The following GRID1 variants were observed in gnomAD, a reference collection of about 807,000 sequenced individuals.
The protein encoded by GRID1 is glutamate ionotropic receptor delta type subunit 1.
In GRID1, 28 loss-of-function variants were observed where a neutral mutation model predicts 98.0. The observed-to-expected ratio is 0.29, with a 90% CI of 0.21 to 0.39. GRID1 has a LOEUF of 0.39. Ranked by LOEUF, GRID1 falls within the 10% of genes least tolerant of loss-of-function variation. The pLI, the probability that GRID1 is intolerant of heterozygous loss-of-function variation, is 1.00. For synonymous variants in GRID1, 553 were observed against 538.5 expected (o/e 1.03, Z -0.37); for missense variants, 1,111 against 1,340.5 (o/e 0.83, Z 2.67).
At chr10:86,256,743 G>C (rs1846925725) in intron 2 of GRID1, among the ~76,000 whole-genome samples, 2 of 152,196 alleles carry the variant, frequency 1.3e-5, no homozygotes, top group Non-Finnish European at 2.9e-5. Context: ...TATTCTGCTG[G>C]TGTCTCCCGT....
chr10:85,633,673 C>T (rs757814035), intron 13 of GRID1, among the ~76,000 whole-genome samples: 4 of 152,184 alleles, frequency 2.6e-5, no homozygotes, highest in Non-Finnish European at 5.9e-5. Flanking sequence ...TCCTCTAACT[C>T]CATTTGTGGC....
chr10:85,878,183 T>G (rs957517985), intron 5 of GRID1, among the ~76,000 whole-genome samples: 2 of 152,184 alleles, frequency 1.3e-5, no homozygotes, highest in African/African-American at 4.8e-5. Context: ...GGAACCAAGT[T>G]GGAAAACACC....
intron 4 of GRID1, among the ~76,000 whole-genome samples, chr10:86,054,816 A>G (rs61856054): frequency 0.037 from 5,623 of 152,282 alleles, 127 homozygotes; most frequent in Non-Finnish European, 0.05. Flanking sequence ...GCTCTTGGCC[A>G]TGTGACTTTG....
chr10:85,795,199 C>A lies in GRID1; in HGVS notation c.1233+59297G>T, dbSNP rs535217241. Reference sequence around the variant, plus strand: ...GAATCACCACAGAAGGATATTCTAACATCATTCATTCCTTCTTTGCTTGTT... The same window carrying A: ...GAATCACCACAGAAGGATATTCTAAAATCATTCATTCCTTCTTTGCTTGTT... On this transcript the variant is annotated intron_variant, in intron 8 of 15. Coordinates refer to ENST00000327946, the MANE Select transcript of GRID1 (RefSeq NM_017551.3). Among the ~76,000 whole-genome samples the A allele has an allele frequency of 2.6e-5, 4 of 152,274 alleles. No individual in the cohort carries two copies. The South Asian group carries it at 8.3e-4, about 32-fold the overall frequency.
chr10:85,636,291 A>G (rs933543373), intron 13 of GRID1, among the ~76,000 whole-genome samples: 1 of 152,216 alleles, frequency 6.6e-6, no homozygotes, highest in African/African-American at 2.4e-5. Context: ...GAAAAGTGTC[A>G]TGTCCACTTT....
intron 13 of GRID1, among the ~76,000 whole-genome samples, chr10:85,635,266 A>G (rs1843025150): frequency 6.6e-6 from 1 of 152,182 alleles, no homozygotes; most frequent in Non-Finnish European, 1.5e-5. Flanking sequence ...GCTTTCCTTG[A>G]CATTTGGACT....
In GRID1 at chr10:85,711,276, A is replaced by C. The variant is rs547466830; in HGVS notation, c.1997+11727T>G. On this transcript the variant is annotated intron_variant, in intron 12 of 15. Transcript: ENST00000327946. ...AAATAAAATATGATATATACATTCA[A>C]TGTGATATTATTCAGCCTTAAAAAG... 5.9e-5 allele frequency among the ~76,000 whole-genome samples: 9 copies of C among 152,118 alleles called. No homozygotes were observed. The East Asian group carries it at 1.7e-3, about 29-fold the overall frequency.
At chr10:86,202,063 G>C (rs1198216664) in intron 3 of GRID1, among the ~76,000 whole-genome samples, 1 of 152,208 alleles carries the variant, frequency 6.6e-6, no homozygotes, top group African/African-American at 2.4e-5. Context: ...AGCACAAATA[G>C]ACAGTGGCCA....
chr10:85,813,467 A>T (rs1488255266), intron 8 of GRID1, among the ~76,000 whole-genome samples: 1 of 151,364 alleles, frequency 6.6e-6, no homozygotes, highest in African/African-American at 2.4e-5. Flanking sequence ...ACGCTGAAAA[A>T]AAAAAAAGAA....
At chr10:86,364,963 A>C (rs1848654197) in intron 1 of GRID1, among the ~76,000 whole-genome samples, 1 of 152,054 alleles carries the variant, frequency 6.6e-6, no homozygotes, top group South Asian at 2.1e-4. Flanking sequence ...GCCCGAGCCT[A>C]GTCCTGCAAC....
intron 8 of GRID1, among the ~76,000 whole-genome samples, chr10:85,853,911 T>C (rs752845573): frequency 1.3e-5 from 2 of 152,160 alleles, no homozygotes; most frequent in African/African-American, 2.4e-5. Flanking sequence ...AGAGGAAAAG[T>C]ATCACTGGGA....
chr10:86,007,814 T>TTTA (rs1463046358), intron 4 of GRID1, among the ~76,000 whole-genome samples: 53 of 145,972 alleles, frequency 3.6e-4, no homozygotes, highest in African/African-American at 1.3e-3. Flanking sequence ...TTTTTGTTTT[T>TTTA]TGTGTTTTTT....
intron 2 of GRID1, among the ~76,000 whole-genome samples, chr10:86,360,912 G>T (rs543887591): frequency 6.6e-6 from 1 of 152,142 alleles, no homozygotes; most frequent in African/African-American, 2.4e-5. Context: ...CCAAAACAGC[G>T]ACAGCACCAC....
chr10:85,641,548 A>G (rs1357195772), intron 13 of GRID1, among the ~76,000 whole-genome samples: 1 of 152,220 alleles, frequency 6.6e-6, no homozygotes, highest in Non-Finnish European at 1.5e-5. Flanking sequence ...GGGAAGAGGC[A>G]CGAGTGGAAT....
rs748341463 is a variant in GRID1 at position 85,981,527 on chromosome 10, T to G, written c.727-65288A>C. Among the ~76,000 whole-genome samples, 101 of 152,306 alleles carry G rather than the reference T, an allele frequency of 6.6e-4. No homozygotes were observed. The Middle Eastern group carries it at 0.02, about 31-fold the overall frequency. On this transcript the variant is annotated intron_variant, in intron 4 of 15. Transcript: ENST00000327946. ...GGACTTAATGTCGGCCTCCTTCAAA[T>G]GTACATCAATGTTCATCCAAGCTCT...
intron 4 of GRID1, among the ~76,000 whole-genome samples, chr10:86,027,728 A>G (rs971766510): frequency 6.6e-5 from 10 of 152,328 alleles, no homozygotes; most frequent in East Asian, 5.8e-4. Context: ...TTCCAGTCAC[A>G]TACATTGTTT....
At chr10:86,311,886 C>T (rs1219992506) in intron 2 of GRID1, among the ~76,000 whole-genome samples, 1 of 152,214 alleles carries the variant, frequency 6.6e-6, no homozygotes, top group Non-Finnish European at 1.5e-5. Context: ...AATTGGCAGC[C>T]TCACAATCTG....
At chr10:86,047,971 T>G (rs998727028) in intron 4 of GRID1, among the ~76,000 whole-genome samples, 23 of 152,160 alleles carry the variant, frequency 1.5e-4, no homozygotes, top group African/African-American at 5.6e-4. Context: ...TTTGTCCTCA[T>G]TGGAAACACC....
intron 4 of GRID1, among the ~76,000 whole-genome samples, chr10:86,023,112 C>T (rs925212985): frequency 9.9e-5 from 15 of 151,950 alleles, no homozygotes; most frequent in Admixed American, 2.0e-4. Context: ...TAACTCCTCA[C>T]GCTGCCACCT....
Sources: allele counts gnomAD v4.1 joint callset (sites outside exome capture counted in the v4.1 genomes callset), GRCh38; gene constraint gnomAD v4.1.1; transcripts MANE v1.5; gene names NCBI Gene and HGNC (gene_info 2026-07-23, HGNC 2026-07-21).